The following GALNTL5 variants were observed in gnomAD, a reference collection of about 807,000 sequenced individuals.
The protein encoded by GALNTL5 is polypeptide N-acetylgalactosaminyltransferase like 5.
A neutral mutation model predicts 51.0 loss-of-function variants in GALNTL5; 44 were observed. The ratio of observed to expected loss-of-function variants is 0.86; its 90% CI spans 0.68 to 1.11. The LOEUF (loss-of-function observed/expected upper bound fraction) is 1.11. Ranked by LOEUF, GALNTL5 falls within the 50% of genes least tolerant of loss-of-function variation. The pLI, the probability that GALNTL5 is intolerant of heterozygous loss-of-function variation, is 0.00. For synonymous variants in GALNTL5, 192 were observed against 182.8 expected (o/e 1.05, Z -0.41); for missense variants, 528 against 531.8 (o/e 0.99, Z 0.07).
chr7:151,975,992 A>G (rs999902794), intron 3 of GALNTL5, among the ~76,000 whole-genome samples: 2 of 152,160 alleles, frequency 1.3e-5, no homozygotes, highest in African/African-American at 4.8e-5. Flanking sequence ...CTAATATTTG[A>G]TCAATCCTGG....
intron 2 of GALNTL5, among the ~76,000 whole-genome samples, chr7:151,969,170 A>C (rs2081095916): frequency 6.6e-6 from 1 of 152,070 alleles, no homozygotes; most frequent in Non-Finnish European, 1.5e-5. Context: ...ACAATGTTAC[A>C]TTTTGGTGCT....
At chr7:151,990,580 CA>C (rs575658831) in intron 5 of GALNTL5, among the ~76,000 whole-genome samples, 2 of 21,656 alleles carry the variant, frequency 9.2e-5, no homozygotes, top group African/African-American at 3.3e-4. Flanking sequence ...GACTCCATCT[CA>C]AAAAAAAAAA....
intron 3 of GALNTL5, among the ~76,000 whole-genome samples, chr7:151,971,695 G>A (rs1187353768): frequency 6.6e-6 from 1 of 152,174 alleles, no homozygotes; most frequent in African/African-American, 2.4e-5. Context: ...TGTAATCCCA[G>A]GTGTCAAGGG....
chr7:152,001,273 A>G (rs1235187470), intron 5 of GALNTL5, among the ~76,000 whole-genome samples: 1 of 151,514 alleles, frequency 6.6e-6, no homozygotes, highest in Admixed American at 6.6e-5. Context: ...GCTTTTGATG[A>G]ATTCCAACGT....
chr7:152,013,493 C>T (rs766433174), intron 7 of GALNTL5, among the ~76,000 whole-genome samples: 4 of 152,116 alleles, frequency 2.6e-5, no homozygotes, highest in South Asian at 2.1e-4. Context: ...TCCATTGTAT[C>T]GCTAAAGTGG....
At chr7:151,999,224 A>T (rs1405736957) in intron 5 of GALNTL5, among the ~76,000 whole-genome samples, 1 of 152,112 alleles carries the variant, frequency 6.6e-6, no homozygotes, top group Non-Finnish European at 1.5e-5. Flanking sequence ...ATGGTTGAAT[A>T]ATATTCCATT....
chr7:152,004,954 C>G (rs1482855309), intron 6 of GALNTL5, among the ~76,000 whole-genome samples: 1 of 152,110 alleles, frequency 6.6e-6, no homozygotes, highest in Non-Finnish European at 1.5e-5. Flanking sequence ...ATTTCTTTCC[C>G]TTTAGGAAGA....
In GALNTL5 at chr7:151,969,899, G is replaced by A. The variant is rs575291926; in HGVS notation, c.248-1046G>A. 4.8e-3 allele frequency among the ~76,000 whole-genome samples: 737 copies of A among 152,180 alleles called. 8 individuals are homozygous for A. The highest frequency in any genetic ancestry group is 0.016 in the African/African-American group (654 of 41,542). On this transcript the variant is annotated intron_variant, in intron 2 of 8. Transcript: ENST00000392800. ...TCGGCTCACTGCAAGCTCCGCCTCC[G>A]GGGTTCACGCCATTCTCCTGCCTCA...
intron 3 of GALNTL5, 144 bp downstream of exon 3, chr7:151,971,209 C>T: frequency 1.6e-6 from 1 of 636,178 alleles, no homozygotes; most frequent in South Asian, 2.0e-5. Flanking sequence ...ATTTTTAGGA[C>T]TTGAAGTCAG....
chr7:151,991,254 G>A (rs1424114251), intron 5 of GALNTL5, among the ~76,000 whole-genome samples: 1 of 152,016 alleles, frequency 6.6e-6, no homozygotes, highest in Non-Finnish European at 1.5e-5. Context: ...CACCACACCC[G>A]GCTAGTTTTT....
intron 8 of GALNTL5, among the ~76,000 whole-genome samples, chr7:152,018,077 C>T (rs1191109104): frequency 6.6e-6 from 1 of 152,188 alleles, no homozygotes; most frequent in African/African-American, 2.4e-5. Flanking sequence ...AACTCCTGAC[C>T]TCATGATCTG....
intron 8 of GALNTL5, among the ~76,000 whole-genome samples, chr7:152,018,893 T>C (rs2081853262): frequency 6.6e-6 from 1 of 152,190 alleles, no homozygotes; most frequent in African/African-American, 2.4e-5. Context: ...ATCACTACCC[T>C]GAATGCCAGG....
chr7:151,991,940 A>G (rs1280953195), intron 5 of GALNTL5, among the ~76,000 whole-genome samples: 1 of 152,094 alleles, frequency 6.6e-6, no homozygotes, highest in Non-Finnish European at 1.5e-5. Context: ...CTGCTTTTAT[A>G]TTCATTTGGT....
In GALNTL5 at chr7:151,969,560, C is replaced by T. The variant is rs181623778; in HGVS notation, c.248-1385C>T. On this transcript the variant is annotated intron_variant, in intron 2 of 8. Transcript: ENST00000392800. ...GTATCCCCTAGTGCGCAGATCCCTC[C>T]CCGGTTCCTCATAGACTGAGTACTA... 4.8e-3 allele frequency among the ~76,000 whole-genome samples: 728 copies of T among 152,036 alleles called. 6 individuals carry two copies. Among genetic ancestry groups the T allele is most frequent in the Middle Eastern group, 0.01 (3 of 294 alleles).
chr7:152,016,363 C>T (rs927605523), intron 8 of GALNTL5, among the ~76,000 whole-genome samples: 19 of 150,968 alleles, frequency 1.3e-4, no homozygotes, highest in African/African-American at 4.6e-4. Context: ...AAGATTGTGC[C>T]GTTGCACTTC....
At position 152,019,835 on chromosome 7, in the gene GALNTL5, TAA is replaced by T. The variant is rs761354684; in HGVS notation, c.*37_*38del. On this transcript the variant is annotated 3_prime_UTR_variant, in exon 9 of 9. Transcript: ENST00000392800. ...CAAATCACTTTCATTAATAAAGGGT[TAA>T]AAGTCTCCTAGTCATTCAACATAGT... The T allele has an allele frequency of 6.4e-7, 1 of 1,571,086 alleles. No individual in the cohort carries two copies. The highest frequency in any genetic ancestry group is 8.7e-7 in the Non-Finnish European group (1 of 1,148,502).
At chr7:151,988,084 C>A (rs1053231371) in intron 5 of GALNTL5, among the ~76,000 whole-genome samples, 13 of 152,232 alleles carry the variant, frequency 8.5e-5, no homozygotes, top group African/African-American at 3.1e-4. Context: ...GAGCAGCACA[C>A]TCCCAGGGCT....
At chr7:151,991,371 G>A (rs779684860) in intron 5 of GALNTL5, among the ~76,000 whole-genome samples, 1 of 152,174 alleles carries the variant, frequency 6.6e-6, no homozygotes, top group Non-Finnish European at 1.5e-5. Flanking sequence ...GATTACAGGC[G>A]TGAGCCACTG....
intron 6 of GALNTL5, among the ~76,000 whole-genome samples, chr7:152,005,335 C>CTT (rs935101498): frequency 5.9e-5 from 9 of 152,158 alleles, no homozygotes; most frequent in African/African-American, 2.2e-4. Context: ...GGATCATGCC[C>CTT]TTTTCCCCCA....
Sources: gnomAD v4.1 joint callset for allele counts (sites outside exome capture counted in the v4.1 genomes callset) on GRCh38, gnomAD v4.1.1 for gene constraint, MANE v1.5 for transcripts, NCBI Gene and HGNC (gene_info 2026-07-23, HGNC 2026-07-21) for gene names.